Variants in DGKE observed in about 807,000 individuals in gnomAD.
The protein encoded by DGKE is diacylglycerol kinase epsilon, also known as DAG kinase epsilon.
Under a neutral mutation model 70.0 loss-of-function variants are expected in DGKE, and 53 were observed. That is an observed-to-expected ratio of 0.76 (90% confidence interval 0.61 to 0.95). The LOEUF (loss-of-function observed/expected upper bound fraction) is 0.95, where lower values mean the gene tolerates loss of function less well. Ranked by LOEUF, DGKE falls within the 40% of genes least tolerant of loss-of-function variation. DGKE has a pLI of 0.00. For synonymous variants in DGKE, 291 were observed against 257.0 expected, an observed-to-expected ratio of 1.13 and a Z score of -1.27; for missense variants, 655 against 706.9, an observed-to-expected ratio of 0.93 and a Z score of 0.83.
rs1348286494 is a variant in DGKE at position 56,868,481 on chromosome 17, TGCTCAGCCA to T, written c.*5694_*5702del. 1 of 152,276 alleles carries T rather than the reference TGCTCAGCCA, an allele frequency of 6.6e-6. No individual in the cohort carries two copies. The highest frequency in any genetic ancestry group is 1.5e-5 in the Non-Finnish European group (1 of 68,080). 9.4% of individuals were successfully genotyped at this position (152,276 alleles called of 1,614,324 possible). ...TGAGGACACATGTGATGACTCCACT[TGCTCAGCCA>T]GCTGGCCTCTTGCACTTTCCCCTGC... On this transcript the variant is annotated 3_prime_UTR_variant, in exon 12 of 12. Transcript: ENST00000284061.
chr17:56,845,558 T>C lies in DGKE; in HGVS notation c.625-132T>C, dbSNP rs562591394. 7 of 923,184 alleles carry C rather than the reference T, an allele frequency of 7.6e-6. No individual in the cohort carries two copies. The African/African-American group carries it at 1.2e-4, about 16-fold the overall frequency. The allele number at this position is 923,184 out of a possible 1,614,324, so 57.2% of individuals were successfully genotyped here. A position where few individuals can be genotyped will look rare whatever the true frequency, so the allele number is the denominator to read the frequency against. ...CTTCCATTCTTAGAATTCTTTGATT[T>C]TTATATTGAATTGAGAGAACTAGTA... On this transcript the variant is annotated intron_variant, in intron 3 of 11. Transcript: ENST00000284061.
In DGKE at chr17:56,862,228, AT is replaced by A; in HGVS notation, c.1502del (p.Ile501LysfsTer7). 1.9e-6 allele frequency: 3 copies of A among 1,614,144 alleles called. No individual in the cohort carries two copies. Among genetic ancestry groups the A allele is most frequent in the Non-Finnish European group, 2.5e-6 (3 of 1,180,010 alleles). ...AGTAAAACTGGCTAATCCTTTTCGA[AT>A]AGGACAGGCACATACAGTGAGGGTA... Reference protein sequence around the residue: ...IQVKLANPFRIGQAHTVRLIL... With the variant: ...IQVKLANPFRXGQAHTVRLIL... On this transcript the variant is annotated frameshift_variant, in exon 11 of 12. Coordinates refer to ENST00000284061, the MANE Select transcript of DGKE (RefSeq NM_003647.3). LOFTEE classifies it high-confidence loss of function.
rs752681978 is a variant in DGKE, at chr17:56,835,180, C to T, written c.385C>T (p.Arg129Trp). ...GGACGCCATGCCCCACCACTGGATC[C>T]GGGGCAACGTGCCCCTGTGCAGTTA... ...VLDAMPHHWI[R>W]GNVPLCSYCM... The change falls in exon 2 of 12, where the codon CGG becomes TGG. Residue 129 changes from arginine to tryptophan, a missense_variant. By Grantham distance (101) the Arg-to-Trp change is moderately radical. Transcript: ENST00000284061. 3.1e-6 allele frequency: 5 copies of T among 1,614,040 alleles called. No homozygotes were observed. Among genetic ancestry groups the T allele is most frequent in the Non-Finnish European group, 4.2e-6 (5 of 1,180,038 alleles).
Position 56,837,830 on chromosome 17 carries a change from G to A in DGKE, c.464+2571G>A, listed in dbSNP as rs548499330. On this transcript the variant is annotated intron_variant, in intron 2 of 11. Coordinates refer to ENST00000284061, the MANE Select transcript of DGKE (RefSeq NM_003647.3). ...ATGAGAGATGATGACTGAGTTTAAA[G>A]CCTGCAGAATAAGTGAGAAAGGCCC... Among the ~76,000 whole-genome samples the A allele has an allele frequency of 2.0e-5, 3 of 152,282 alleles. No individual in the cohort carries two copies. In the East Asian group the frequency reaches 5.8e-4, roughly 29 times the overall value.
rs1908637066 is a variant in DGKE, at chr17:56,868,848, G to GCCTAAGAGCACAT, written c.*6069_*6070insTCCTAAGAGCACA. The GCCTAAGAGCACAT allele has an allele frequency of 6.6e-6, 1 of 152,180 alleles. No homozygotes were observed. The highest frequency in any genetic ancestry group is 1.5e-5 in the Non-Finnish European group (1 of 68,036). The allele number at this position is 152,180 out of a possible 1,614,324, so 9.4% of individuals were successfully genotyped here. On this transcript the variant is annotated 3_prime_UTR_variant, in exon 12 of 12. Coordinates refer to ENST00000284061, the MANE Select transcript of DGKE (RefSeq NM_003647.3). ...AAATTCATATTGCATGGCTTTTGTA[G>GCCTAAGAGCACAT]CCTAAGAGCACAGAATCATACACGT... is the stretch of plus-strand genomic sequence containing the variant.
intron 7 of DGKE, among the ~76,000 whole-genome samples, chr17:56,854,930 GAACATCCA>G (rs2144267561): frequency 6.6e-6 from 1 of 152,224 alleles, no homozygotes; most frequent in Non-Finnish European, 1.5e-5. Context: ...CTCTATAGAA[GAACATCCA>G]AACAATCAAA....
chr17:56,847,520 G>A (rs1433879292), intron 4 of DGKE: 1 of 152,422 alleles, frequency 6.6e-6, no homozygotes, highest in African/African-American at 2.4e-5. Flanking sequence ...TTTTAGTAAA[G>A]ACAGGATTTC....
In DGKE at chr17:56,867,299, A is replaced by C. The variant is rs1313660676; in HGVS notation, c.*4508A>C. On this transcript the variant is annotated 3_prime_UTR_variant, in exon 12 of 12. Coordinates refer to ENST00000284061, the MANE Select transcript of DGKE (RefSeq NM_003647.3). ...AGAAAATAAATCACCTAGAAACTAT[A>C]AATAGAAATGTGCTGCTGAGGCTGG... The C allele has an allele frequency of 3.3e-5, 5 of 152,200 alleles. No individual in the cohort carries two copies. Among genetic ancestry groups the C allele is most frequent in the Non-Finnish European group, 7.3e-5 (5 of 68,058 alleles). The allele number at this position is 152,200 out of a possible 1,614,324, so 9.4% of individuals were successfully genotyped here. A position where few individuals can be genotyped will look rare whatever the true frequency, so the allele number is the denominator to read the frequency against.
At chr17:56,836,578 T>A (rs137983250) in intron 2 of DGKE, 57 of 152,376 alleles carry the variant, frequency 3.7e-4, no homozygotes, top group African/African-American at 1.3e-3. Context: ...CAAATACTCT[T>A]GAACACATAA....
chr17:56,858,664 A>G lies in DGKE; in HGVS notation c.1283A>G (p.Glu428Gly), dbSNP rs753267548. The G allele has an allele frequency of 1.3e-6, 2 of 1,598,478 alleles. No homozygotes were observed. Among genetic ancestry groups the G allele is most frequent in the Admixed American group, 3.5e-5 (2 of 57,408 alleles). ...TGTAAAGATTTGAATAAAAAAGTTG[A>G]GGTAAGCTATTAACACTTTTTATTT... ...QECKDLNKKV[E>G]LELDGERVAL... The change falls in exon 9 of 12, where the codon GAG becomes GGG. Residue 428 changes from glutamate (E) to glycine (G), a missense_variant and splice_region_variant. Glu to Gly is a moderately conservative substitution (Grantham distance 98). Transcript: ENST00000284061.
chr17:56,862,503 TA>T (rs1908355836), intron 11 of DGKE, 108 bp from the exon 12 acceptor site: 1 of 1,081,338 alleles, frequency 9.2e-7, no homozygotes, highest in African/African-American at 1.6e-5. Flanking sequence ...TAATATTTTC[TA>T]AAAATGAAAT....
intron 8 of DGKE, among the ~76,000 whole-genome samples, chr17:56,857,945 C>T (rs955235910): frequency 2.6e-5 from 4 of 151,826 alleles, no homozygotes; most frequent in East Asian, 1.9e-4. Flanking sequence ...TGGTGGTGCA[C>T]GCCTGTAGTC....
chr17:56,838,289 G>T (rs544351501), intron 2 of DGKE, among the ~76,000 whole-genome samples: 4 of 152,310 alleles, frequency 2.6e-5, no homozygotes, highest in African/African-American at 9.6e-5. Context: ...TTCTATTGGT[G>T]TGTGTTTATT....
Position 56,845,710 on chromosome 17 carries a change from G to C in DGKE, c.645G>C (p.Lys215Asn). 6.2e-7 allele frequency: 1 copy of C among 1,611,520 alleles called. No homozygotes were observed. The highest frequency in any genetic ancestry group is 1.1e-5 in the South Asian group (1 of 90,704). The change falls in exon 4 of 12, where the codon AAG becomes AAC. Residue 215 changes from lysine (K) to asparagine (N), a missense_variant. Lys to Asn is a moderately conservative substitution (Grantham distance 94). Transcript: ENST00000284061. ...DYEVLASKLGKQWTPLIILAN... is the reference protein window; with the variant it reads ...DYEVLASKLGNQWTPLIILAN... ...TTTAGCTAGCCTCTAAGCTTGGAAA[G>C]CAGTGGACCCCATTAATAATCCTGG...
chr17:56,841,203 A>G (rs1288280411), intron 2 of DGKE, among the ~76,000 whole-genome samples: 1 of 149,746 alleles, frequency 6.7e-6, no homozygotes, highest in African/African-American at 2.5e-5. Context: ...GTGAGCCGAG[A>G]TTGCACCACT....
At chr17:56,835,603 A>G in intron 2 of DGKE, 1 of 388,476 alleles carries the variant, frequency 2.6e-6, no homozygotes, top group Non-Finnish European at 4.6e-6. Flanking sequence ...TTAAATAAGG[A>G]AAAATGAAAT....
At chr17:56,842,683 A>G (rs2144217901) in intron 2 of DGKE, among the ~76,000 whole-genome samples, 1 of 152,366 alleles carries the variant, frequency 6.6e-6, no homozygotes, top group African/African-American at 2.4e-5. Flanking sequence ...CAAAAGGAAA[A>G]AACAGCTTAA....
intron 8 of DGKE, 151 bp downstream of exon 8, chr17:56,856,776 C>CT (rs887078129): frequency 0.034 from 26,500 of 769,648 alleles, 1 homozygote; most frequent in East Asian, 0.044. Flanking sequence ...CAAATTAGAT[C>CT]TTTTTTTTTT....
rs1908442458 is a variant in DGKE at position 56,864,317 on chromosome 17, T to G, written c.*1526T>G. 6.6e-6 allele frequency: 1 copy of G among 152,234 alleles called. No individual in the cohort carries two copies. The highest frequency in any genetic ancestry group is 6.5e-5 in the Admixed American group (1 of 15,286). 9.4% of individuals were successfully genotyped at this position (152,234 alleles called of 1,614,324 possible). On this transcript the variant is annotated 3_prime_UTR_variant, in exon 12 of 12. Coordinates refer to ENST00000284061, the MANE Select transcript of DGKE (RefSeq NM_003647.3). Reference sequence around the variant, plus strand: ...CCCCCAAAATACCATTAGCTATCTTTGAGGGTCTATTATGAATCTGTCATC... The same window carrying G: ...CCCCCAAAATACCATTAGCTATCTTGGAGGGTCTATTATGAATCTGTCATC...
Sources: allele counts gnomAD v4.1 joint callset (sites outside exome capture counted in the v4.1 genomes callset), GRCh38; gene constraint gnomAD v4.1.1; transcripts MANE v1.5; gene names NCBI Gene and HGNC (gene_info 2026-07-23, HGNC 2026-07-21).